FUT8: variants seen among roughly 807,000 people sequenced by gnomAD.
The protein encoded by FUT8 is fucosyltransferase 8, also known as alpha-(1,6)-fucosyltransferase.
Under a neutral mutation model 71.3 loss-of-function variants are expected in FUT8, and 29 were observed. The observed-to-expected ratio is 0.41, with a 90% CI of 0.30 to 0.55. The LOEUF (loss-of-function observed/expected upper bound fraction) is 0.55, where lower values mean the gene tolerates loss of function less well. Among genes scored for constraint, FUT8 ranks in the 20% least tolerant of loss-of-function variants. The pLI, the probability that FUT8 is intolerant of heterozygous loss-of-function variation, is 0.34. For missense variants in FUT8, 544 were observed against 702.1 expected (o/e 0.77, Z 2.55); for synonymous variants, 254 against 239.3 (o/e 1.06, Z -0.57).
intron 3 of FUT8, among the ~76,000 whole-genome samples, chr14:65,596,596 A>G (rs1235852353): frequency 6.6e-6 from 1 of 152,182 alleles, no homozygotes; most frequent in Non-Finnish European, 1.5e-5. Flanking sequence ...TTTGCAGAAT[A>G]GTTAGGGGAG....
upstream of FUT8, among the ~76,000 whole-genome samples, chr14:65,408,892 G>C (rs879006333): frequency 6.6e-6 from 1 of 152,204 alleles, no homozygotes; most frequent in Admixed American, 6.5e-5. Context: ...TGAGGCAAGA[G>C]TACAGCTTGA....
intron 3 of FUT8, among the ~76,000 whole-genome samples, chr14:65,583,110 T>C (rs1178841304): frequency 1.3e-5 from 2 of 152,236 alleles, no homozygotes; most frequent in Non-Finnish European, 2.9e-5. Flanking sequence ...AAAAAGATTT[T>C]ATTGATCTGC....
chr14:65,635,904 G>A (rs1363276970), intron 6 of FUT8, among the ~76,000 whole-genome samples: 1 of 152,066 alleles, frequency 6.6e-6, no homozygotes, highest in African/African-American at 2.4e-5. Context: ...AGTATCGAAA[G>A]GATTGGTACC....
At chr14:65,637,044 A>T (rs1566867290) in intron 6 of FUT8, among the ~76,000 whole-genome samples, 1 of 152,196 alleles carries the variant, frequency 6.6e-6, no homozygotes, top group Non-Finnish European at 1.5e-5. Flanking sequence ...TTTTTCCCGC[A>T]AAGTGAACAT....
In FUT8 at chr14:65,677,114, T is replaced by TTGTGTGTGTGTGTGTG. The variant is rs1555383258; in HGVS notation, c.835+7657_835+7672dup. 2.2e-3 allele frequency among the ~76,000 whole-genome samples: 239 copies of TTGTGTGTGTGTGTGTG among 110,192 alleles called. 1 individual carries two copies. The highest frequency in any genetic ancestry group is 8.7e-3 in the East Asian group (24 of 2,768). The allele number at this position is 110,192 out of a possible 152,430, so 72.3% of individuals were successfully genotyped here. ...AGTTCCATTGGAAAGAAAGACATAT[T>TTGTGTGTGTGTGTGTG]TGTGTGTGTGTGTGTGTGTGTGTGT... On this transcript the variant is annotated intron_variant, in intron 7 of 10. Transcript: ENST00000673929.
At chr14:65,721,385 GA>G in intron 7 of FUT8, among the ~76,000 whole-genome samples, 1 of 152,142 alleles carries the variant, frequency 6.6e-6, no homozygotes, top group Non-Finnish European at 1.5e-5. Flanking sequence ...TTGCTGTAAT[GA>G]AAAGCTAGAA....
intron 2 of FUT8, among the ~76,000 whole-genome samples, chr14:65,498,525 TG>T (rs1409137831): frequency 6.6e-6 from 1 of 152,192 alleles, no homozygotes; most frequent in Non-Finnish European, 1.5e-5. Context: ...GGAATGTGCT[TG>T]TACTGAATGA....
At position 65,721,847 on chromosome 14, in the gene FUT8, A is replaced by G. The variant is rs1017680042; in HGVS notation, c.908A>G (p.Tyr303Cys). ...GACAGTCTTCATCCCCGTCCTCCAT[A>G]TTTACCCTTGGCTGTACCAGAAGAC... is the stretch of plus-strand genomic sequence containing the variant. ...IVDSLHPRPP[Y>C]LPLAVPEDLA... is the part of the protein sequence containing the mutation. Residue 303 changes from tyrosine to cysteine, a missense_variant, in exon 8 of 11, where the codon TAT becomes TGT. Tyr to Cys is a radical substitution (Grantham distance 194). Transcript: ENST00000673929. 1 of 1,614,198 alleles carries G rather than the reference A, an allele frequency of 6.2e-7. No individual in the cohort carries two copies. Among genetic ancestry groups the G allele is most frequent in the Non-Finnish European group, 8.5e-7 (1 of 1,180,050 alleles).
chr14:65,497,134 G>A (rs2066571222), intron 2 of FUT8, among the ~76,000 whole-genome samples: 2 of 152,130 alleles, frequency 1.3e-5, no homozygotes, highest in African/African-American at 4.8e-5. Context: ...ATTAGAGTAT[G>A]TAAAAGTTCA....
intron 3 of FUT8, among the ~76,000 whole-genome samples, chr14:65,583,007 GCTGTATTTTATATAAATC>G (rs1566834669): frequency 1.3e-5 from 2 of 152,030 alleles, no homozygotes; most frequent in African/African-American, 4.8e-5. Flanking sequence ...GGAATTAAGG[GCTGTATTTTATATAAATC>G]ATAAACATTT....
chr14:65,665,454 AAAG>A (rs1219892099), intron 6 of FUT8, among the ~76,000 whole-genome samples: 2 of 152,194 alleles, frequency 1.3e-5, no homozygotes, highest in African/African-American at 2.4e-5. Context: ...ACTGAGGAAT[AAAG>A]AAGTGAAAGA....
At chr14:65,395,022 G>A in the FUT8 span, among the ~76,000 whole-genome samples, 12 of 152,294 alleles carry the variant, frequency 7.9e-5, no homozygotes, top group Admixed American at 2.0e-4. Context: ...GATTACAGGC[G>A]TGAGCCACCA....
At chr14:65,617,085 A>G (rs750985917) in intron 5 of FUT8, 11 of 1,587,676 alleles carry the variant, frequency 6.9e-6, no homozygotes, top group Admixed American at 1.9e-5. Context: ...CTATGTTTCC[A>G]GTAGGATTCT....
chr14:65,655,709 C>T (rs1891646636), intron 6 of FUT8, among the ~76,000 whole-genome samples: 1 of 152,284 alleles, frequency 6.6e-6, no homozygotes, highest in Admixed American at 6.5e-5. Context: ...TAATATCCCT[C>T]TTTCAATAAT....
intron 2 of FUT8, among the ~76,000 whole-genome samples, chr14:65,495,512 A>G (rs1319588086): frequency 2.0e-5 from 3 of 152,066 alleles, no homozygotes; most frequent in Non-Finnish European, 4.4e-5. Flanking sequence ...CCATTTGTAT[A>G]TTGCTCTTTA....
intron 2 of FUT8, among the ~76,000 whole-genome samples, chr14:65,521,367 GCTT>G (rs904993462): frequency 2.7e-4 from 41 of 152,172 alleles, no homozygotes; most frequent in African/African-American, 8.9e-4. Context: ...GAAATTAATG[GCTT>G]CTTTTATACA....
At chr14:65,709,547 G>A (rs903973247) in intron 7 of FUT8, among the ~76,000 whole-genome samples, 1 of 152,150 alleles carries the variant, frequency 6.6e-6, no homozygotes, top group Admixed American at 6.5e-5. Context: ...TGGGGGTAGG[G>A]TAGGGGTGAG....
chr14:65,540,583 C>G (rs1345890809), intron 2 of FUT8, among the ~76,000 whole-genome samples: 1 of 152,174 alleles, frequency 6.6e-6, no homozygotes, highest in Non-Finnish European at 1.5e-5. Flanking sequence ...TCTACTTCAC[C>G]TATCTCCAGA....
chr14:65,519,537 G>A (rs1184473563), intron 2 of FUT8, among the ~76,000 whole-genome samples: 1 of 152,110 alleles, frequency 6.6e-6, no homozygotes, highest in South Asian at 2.1e-4. Context: ...TTCTGTGATT[G>A]TTTTACCATG....
Sources: gnomAD v4.1 joint callset for allele counts (sites outside exome capture counted in the v4.1 genomes callset) on GRCh38, gnomAD v4.1.1 for gene constraint, MANE v1.5 for transcripts, NCBI Gene and HGNC (gene_info 2026-07-23, HGNC 2026-07-21) for gene names.